FAM117A: variants seen among roughly 807,000 people sequenced by gnomAD.
The protein encoded by FAM117A is protein FAM117A.
In FAM117A, 21 loss-of-function variants were observed where a neutral mutation model predicts 44.1. The observed-to-expected ratio is 0.48, with a 90% confidence interval of 0.34 to 0.69. The LOEUF (loss-of-function observed/expected upper bound fraction) is 0.69, where lower values mean the gene tolerates loss of function less well. FAM117A is among the 30% of genes least tolerant of loss of function. The pLI is 0.01. For synonymous variants in FAM117A, 220 were observed against 238.3 expected (o/e 0.92, Z 0.71); for missense variants, 498 against 589.9 (o/e 0.84, Z 1.61).
chr17:49,753,195 T>A (rs970118844), intron 1 of FAM117A, among the ~76,000 whole-genome samples: 1 of 152,168 alleles, frequency 6.6e-6, no homozygotes, highest in Non-Finnish European at 1.5e-5. Flanking sequence ...AACAAATGAA[T>A]CTTTGCTCCT....
chr17:49,722,409 T>C lies in FAM117A; in HGVS notation c.462+90A>G, dbSNP rs1051643178. 6 of 1,048,864 alleles carry C rather than the reference T, an allele frequency of 5.7e-6. No homozygotes were observed. In the Admixed American group the frequency reaches 6.3e-5, roughly 11 times the overall value. 65.0% of individuals were successfully genotyped at this position (1,048,864 alleles called of 1,614,324 possible). ...GTCAAGATAGGAGAGGTGAGCAGTG[T>C]GACGCCACCATGGAGCAGATGCATT... is the stretch of plus-strand genomic sequence containing the variant. On this transcript the variant is annotated intron_variant, in intron 3 of 7. Coordinates refer to ENST00000240364, the MANE Select transcript of FAM117A (RefSeq NM_030802.4).
chr17:49,733,543 G>A (rs2073596217), intron 1 of FAM117A, among the ~76,000 whole-genome samples: 1 of 151,868 alleles, frequency 6.6e-6, no homozygotes, highest in African/African-American at 2.4e-5. Context: ...CGTGGTGGAG[G>A]GTGCCTGTAA....
chr17:49,724,162 G>GA (rs1438086276), intron 2 of FAM117A, among the ~76,000 whole-genome samples: 3 of 152,092 alleles, frequency 2.0e-5, no homozygotes, highest in Admixed American at 6.5e-5. Flanking sequence ...GAAAAGTGAG[G>GA]AGGAAGCCCA....
intron 1 of FAM117A, among the ~76,000 whole-genome samples, chr17:49,737,861 C>T (rs537846499): frequency 6.6e-6 from 1 of 152,342 alleles, no homozygotes; most frequent in East Asian, 1.9e-4. Flanking sequence ...CCTCCTTCCT[C>T]CTAAATCAGT....
upstream of FAM117A, among the ~76,000 whole-genome samples, chr17:49,767,552 A>G (rs1021346189): frequency 3.9e-5 from 6 of 152,234 alleles, no homozygotes; most frequent in African/African-American, 1.4e-4. Context: ...TTTGGGATAC[A>G]TGACCTGGTT....
chr17:49,713,084 C>A (rs2073486040), intron 7 of FAM117A, among the ~76,000 whole-genome samples: 1 of 152,132 alleles, frequency 6.6e-6, no homozygotes, highest in Admixed American at 6.5e-5. Context: ...ATGGGAGTCT[C>A]ACTATGTTGA....
chr17:49,726,603 A>T (rs1292875351), intron 2 of FAM117A, among the ~76,000 whole-genome samples: 1 of 152,164 alleles, frequency 6.6e-6, no homozygotes, highest in African/African-American at 2.4e-5. Flanking sequence ...CTGTGTCCCC[A>T]GTTTCCAGTG....
chr17:49,772,494 G>C (rs1288779270), intron 1 of FAM117A, among the ~76,000 whole-genome samples: 2 of 152,122 alleles, frequency 1.3e-5, no homozygotes, highest in Non-Finnish European at 2.9e-5. Flanking sequence ...ACTCACGCCT[G>C]TAATCTCAGC....
chr17:49,744,862 A>G (rs1259926299), intron 1 of FAM117A, among the ~76,000 whole-genome samples: 11 of 151,414 alleles, frequency 7.3e-5, no homozygotes. Flanking sequence ...AAAAATTTAA[A>G]CAATTTTAAA....
chr17:49,736,396 A>G (rs2073610986), intron 1 of FAM117A, among the ~76,000 whole-genome samples: 1 of 152,070 alleles, frequency 6.6e-6, no homozygotes, highest in African/African-American at 2.4e-5. Flanking sequence ...AACTGGGACT[A>G]CAGGCACCCA....
In FAM117A at chr17:49,732,720, G is replaced by A. The variant is rs1437915461; in HGVS notation, c.197C>T (p.Ala66Val). 6.2e-7 allele frequency: 1 copy of A among 1,612,590 alleles called. No individual in the cohort carries two copies. The highest frequency in any genetic ancestry group is 8.5e-7 in the Non-Finnish European group (1 of 1,179,306). The change falls in exon 2 of 8, where the codon GCC becomes GTC. Residue 66 changes from alanine to valine, a missense_variant and splice_region_variant. This residue lies in a region of FAM117A where 270 missense variants were observed against 277.4 expected (regional missense o/e 0.97). Transcript: ENST00000240364. ...TGGGGCCACCGAGCATGGGACGCTG[G>A]CTGCAAGAGAACACAGCCCGCACGC... ...HQRRDGGGRA[A>V]SVPCSVAPEK...
intron 2 of FAM117A, among the ~76,000 whole-genome samples, chr17:49,730,843 G>A (rs376262891): frequency 9.0e-4 from 137 of 152,184 alleles, no homozygotes; most frequent in Middle Eastern, 3.4e-3. Flanking sequence ...ATCCAAAGAG[G>A]GCCATGATTT....
chr17:49,774,979 G>A (rs1285314937), intron 1 of FAM117A, among the ~76,000 whole-genome samples: 1 of 152,112 alleles, frequency 6.6e-6, no homozygotes, highest in East Asian at 1.9e-4. Flanking sequence ...AGTTTCACTA[G>A]CATTACTGTA....
chr17:49,782,523 C>T (rs937161370), intron 1 of FAM117A, among the ~76,000 whole-genome samples: 2 of 151,270 alleles, frequency 1.3e-5, no homozygotes, highest in Non-Finnish European at 2.9e-5. Flanking sequence ...AATGCTGTCT[C>T]TACTAAAGAT....
intron 1 of FAM117A, among the ~76,000 whole-genome samples, chr17:49,774,515 A>G (rs760526159): frequency 3.2e-4 from 49 of 152,070 alleles, no homozygotes. Flanking sequence ...TCGCACCATC[A>G]TGCCCAGCTA....
intron 1 of FAM117A, among the ~76,000 whole-genome samples, chr17:49,784,342 T>C (rs1031815473): frequency 1.3e-5 from 2 of 152,172 alleles, no homozygotes; most frequent in African/African-American, 4.8e-5. Context: ...ACTGGTCTCC[T>C]GCCTTGGGTC....
At chr17:49,713,059 A>AT (rs1307002826) in intron 7 of FAM117A, among the ~76,000 whole-genome samples, 11 of 151,802 alleles carry the variant, frequency 7.2e-5, no homozygotes, top group East Asian at 3.9e-4. Flanking sequence ...TATTATTATT[A>AT]TTTTTTTAGT....
intron 1 of FAM117A, among the ~76,000 whole-genome samples, chr17:49,781,890 C>T (rs933214280): frequency 1.3e-5 from 2 of 152,012 alleles, no homozygotes; most frequent in South Asian, 2.1e-4. Flanking sequence ...GCAGGAGGAT[C>T]GCTTGAAACC....
intron 1 of FAM117A, among the ~76,000 whole-genome samples, chr17:49,778,709 G>A (rs1351992698): frequency 6.6e-6 from 1 of 152,194 alleles, no homozygotes; most frequent in Admixed American, 6.5e-5. Context: ...GTTATTGAAT[G>A]CCTACTAAGT....
Sources: gnomAD v4.1 joint callset for allele counts (sites outside exome capture counted in the v4.1 genomes callset) on GRCh38, gnomAD v4.1.1 for gene constraint, gnomAD v4.1.1 regional missense constraint, MANE v1.5 for transcripts, NCBI Gene and HGNC (gene_info 2026-07-23, HGNC 2026-07-21) for gene names.